ERC2: variants seen among roughly 807,000 people sequenced by gnomAD.
The protein encoded by ERC2 is ELKS/RAB6-interacting/CAST family member 2.
In ERC2, 42 loss-of-function variants were observed where a neutral mutation model predicts 114.8. The ratio of observed to expected loss-of-function variants is 0.37; its 90% CI spans 0.29 to 0.47. The LOEUF (loss-of-function observed/expected upper bound fraction) is 0.47. ERC2 is among the 20% of genes least tolerant of loss of function. The probability of loss-of-function intolerance (pLI) is 0.99; values close to 1 mark genes in which losing one functional copy is unlikely to be tolerated. For synonymous variants in ERC2, 454 were observed against 425.5 expected, an observed-to-expected ratio of 1.07 and a Z score of -0.82; for missense variants, 939 against 1,150.7, an observed-to-expected ratio of 0.82 and a Z score of 2.66.
At position 55,719,831 on chromosome 3, in the gene ERC2, C is replaced by A. The variant is rs2064346395; in HGVS notation, c.2712+14940G>T. Reference sequence around the variant, plus strand: ...CAAGAAGCCTCAGAAGACCCTGGCCCCAGCAGACCCCCCAGAAGCCTAGAC... The same window carrying A: ...CAAGAAGCCTCAGAAGACCCTGGCCACAGCAGACCCCCCAGAAGCCTAGAC... On this transcript the variant is annotated intron_variant, in intron 15 of 17. Coordinates refer to ENST00000288221, the MANE Select transcript of ERC2 (RefSeq NM_015576.3). Among the ~76,000 whole-genome samples, 3 of 152,096 alleles carry A rather than the reference C, an allele frequency of 2.0e-5. No homozygotes were observed. The South Asian group carries it at 6.2e-4, about 32-fold the overall frequency.
intron 17 of ERC2, among the ~76,000 whole-genome samples, chr3:55,596,814 T>C (rs1339688037): frequency 6.6e-6 from 1 of 152,098 alleles, no homozygotes; most frequent in Admixed American, 6.5e-5. Flanking sequence ...TTTATACAAT[T>C]AAAAGTATAT....
At chr3:55,565,171 A>G (rs920808294) in intron 17 of ERC2, among the ~76,000 whole-genome samples, 13 of 152,260 alleles carry the variant, frequency 8.5e-5, no homozygotes, top group Non-Finnish European at 2.9e-5. Flanking sequence ...TAAGAAAAAA[A>G]GAAGTTTCAC....
At chr3:56,152,237 T>C (rs1224502035) in intron 4 of ERC2, among the ~76,000 whole-genome samples, 2 of 152,086 alleles carry the variant, frequency 1.3e-5, no homozygotes, top group Non-Finnish European at 2.9e-5. Context: ...TGAAGCAAAA[T>C]ATTCTATTTA....
chr3:56,447,627 GATT>G (rs2062640125), intron 1 of ERC2, among the ~76,000 whole-genome samples: 1 of 151,688 alleles, frequency 6.6e-6, no homozygotes, highest in African/African-American at 2.4e-5. Flanking sequence ...AAAATATAGA[GATT>G]ATATTATTTA....
chr3:55,792,586 T>C (rs139265185), intron 14 of ERC2, among the ~76,000 whole-genome samples: 236 of 152,294 alleles, frequency 1.5e-3, no homozygotes, highest in African/African-American at 5.5e-3. Context: ...TTGTTGTCTA[T>C]GGAATGTAGC....
chr3:56,011,359 G>C (rs2072920326), intron 8 of ERC2, among the ~76,000 whole-genome samples: 1 of 152,130 alleles, frequency 6.6e-6, no homozygotes, highest in Admixed American at 6.5e-5. Context: ...TGCTCTTGGT[G>C]ACGGTGTAGA....
intron 13 of ERC2, among the ~76,000 whole-genome samples, chr3:55,938,023 T>C (rs1374182382): frequency 1.3e-5 from 2 of 152,192 alleles, no homozygotes; most frequent in East Asian, 1.9e-4. Context: ...AAACTTGTAG[T>C]GCTGCTTAGT....
chr3:55,515,036 A>G (rs950103776), intron 17 of ERC2, among the ~76,000 whole-genome samples: 1 of 152,244 alleles, frequency 6.6e-6, no homozygotes, highest in Non-Finnish European at 1.5e-5. Flanking sequence ...GGAGGAAGAC[A>G]GAAACAAATA....
rs78254735 is a variant in ERC2, at chr3:56,053,787, G to A, written c.1641+27030C>T. Among the ~76,000 whole-genome samples, 952 of 152,038 alleles carry A rather than the reference G, an allele frequency of 6.3e-3. 6 individuals carry two copies. Among genetic ancestry groups the A allele is most frequent in the African/African-American group, 0.022 (892 of 41,454 alleles). On this transcript the variant is annotated intron_variant, in intron 7 of 17. Coordinates refer to ENST00000288221, the MANE Select transcript of ERC2 (RefSeq NM_015576.3). ...CAATGTAAGGTGGCATCATTAAGAA[G>A]AAGTTGACTTTTTTTTTTTAAGTAA... is the stretch of plus-strand genomic sequence containing the variant.
chr3:55,962,398 C>T (rs77043509), intron 12 of ERC2, among the ~76,000 whole-genome samples: 5,105 of 152,266 alleles, frequency 0.034, 164 homozygotes, highest in African/African-American at 0.083. Context: ...ACAAAAGTAG[C>T]CACAGACAAT....
chr3:55,542,860 C>T (rs145147053), intron 17 of ERC2, among the ~76,000 whole-genome samples: 33 of 152,308 alleles, frequency 2.2e-4, no homozygotes, highest in African/African-American at 7.7e-4. Flanking sequence ...TCCATAGTGG[C>T]CAATACTTGT....
intron 7 of ERC2, among the ~76,000 whole-genome samples, chr3:56,033,038 AAGAAAGAAAG>A (rs2074556902): frequency 5.4e-5 from 4 of 74,466 alleles, no homozygotes; most frequent in Non-Finnish European, 1.3e-4. Flanking sequence ...AACAGAAAGA[AAGAAAGAAAG>A]AAAGAAAGAA....
At chr3:55,683,370 T>C (rs2062153780) in intron 17 of ERC2, among the ~76,000 whole-genome samples, 1 of 152,148 alleles carries the variant, frequency 6.6e-6, no homozygotes, top group African/African-American at 2.4e-5. Context: ...GCCAAACATT[T>C]GACACAACCA....
At chr3:55,733,458 TCTCTCTCACA>T (rs2065393150) in intron 15 of ERC2, among the ~76,000 whole-genome samples, 1 of 97,988 alleles carries the variant, frequency 1.0e-5, no homozygotes, top group African/African-American at 3.4e-5. Flanking sequence ...TCATTCTCTC[TCTCTCTCACA>T]CACACACACA....
chr3:56,431,153 G>A (rs1054000816), intron 2 of ERC2, among the ~76,000 whole-genome samples: 1 of 152,168 alleles, frequency 6.6e-6, no homozygotes, highest in African/African-American at 2.4e-5. Flanking sequence ...GCACACAGTT[G>A]GCCCTCAACA....
intron 17 of ERC2, among the ~76,000 whole-genome samples, chr3:55,616,707 TG>T (rs1222981866): frequency 6.6e-6 from 1 of 151,576 alleles, no homozygotes; most frequent in Non-Finnish European, 1.5e-5. Flanking sequence ...CAAACTAGCA[TG>T]GTAGGGACTA....
intron 16 of ERC2, 137 bp from the exon 17 acceptor site, chr3:55,683,996 G>GA (rs1002663613): frequency 2.2e-6 from 2 of 917,610 alleles, no homozygotes; most frequent in Non-Finnish European, 1.6e-6. Context: ...CAAGACTGAA[G>GA]AAAAAAATCC....
chr3:56,236,779 G>C (rs1223782810), intron 3 of ERC2, among the ~76,000 whole-genome samples: 1 of 152,156 alleles, frequency 6.6e-6, no homozygotes, highest in African/African-American at 2.4e-5. Flanking sequence ...GGCTTCACTA[G>C]TTTTGCTGGG....
chr3:56,209,755 A>T (rs2048947759), intron 3 of ERC2, among the ~76,000 whole-genome samples: 1 of 152,128 alleles, frequency 6.6e-6, no homozygotes, highest in Non-Finnish European at 1.5e-5. Context: ...CGCAAATAGC[A>T]TCCTCCTCAT....
Sources: gnomAD v4.1 joint callset for allele counts (sites outside exome capture counted in the v4.1 genomes callset) on GRCh38, gnomAD v4.1.1 for gene constraint, MANE v1.5 for transcripts, NCBI Gene and HGNC (gene_info 2026-07-23, HGNC 2026-07-21) for gene names.